IL17B: variants seen among roughly 807,000 people sequenced by gnomAD.
IL17B encodes interleukin 17B.
IL17B carries 14 observed loss-of-function variants against 14.7 expected under a neutral mutation model. That is an observed-to-expected ratio of 0.95 (90% CI 0.63 to 1.49). The LOEUF (loss-of-function observed/expected upper bound fraction) is 1.49, where lower values mean the gene tolerates loss of function less well. Among genes scored for constraint, IL17B ranks in the 40% most tolerant of loss-of-function variants. IL17B has a pLI of 0.00. For synonymous variants in IL17B, 105 were observed against 94.8 expected, an observed-to-expected ratio of 1.11 and a Z score of -0.62; for missense variants, 233 against 252.8, an observed-to-expected ratio of 0.92 and a Z score of 0.53.
chr5:149,400,282 T>C lies in IL17B; in HGVS notation n.95+3826A>G, dbSNP rs550145183. 5.3e-5 allele frequency among the ~76,000 whole-genome samples: 8 copies of C among 151,702 alleles called. No individual in the cohort carries two copies. In the South Asian group the frequency reaches 1.5e-3, roughly 28 times the overall value. ...AAGATGAAAGCAGATATCAGGGCGATACATCTACAAGCCAAGAAAGGCCAA... is the reference window on the plus strand; with the variant it reads ...AAGATGAAAGCAGATATCAGGGCGACACATCTACAAGCCAAGAAAGGCCAA... On this transcript the variant is annotated intron_variant and non_coding_transcript_variant, in intron 1 of 2. Transcript: ENST00000505432.
intron 1 of IL17B, among the ~76,000 whole-genome samples, chr5:149,397,301 C>T (rs1759111891): frequency 6.6e-6 from 1 of 152,116 alleles, no homozygotes; most frequent in South Asian, 2.1e-4. Context: ...TCCCGAGTAG[C>T]AGGATTATAG....
At chr5:149,394,665 A>G (rs986674096) in intron 1 of IL17B, among the ~76,000 whole-genome samples, 1 of 152,232 alleles carries the variant, frequency 6.6e-6, no homozygotes, top group Non-Finnish European at 1.5e-5. Flanking sequence ...GAGGTAGTCC[A>G]TAAGAGCTGG....
intron 1 of IL17B, among the ~76,000 whole-genome samples, chr5:149,392,956 G>GTGCA (rs1759008899): frequency 2.7e-5 from 4 of 150,316 alleles, no homozygotes; most frequent in African/African-American, 7.4e-5. Flanking sequence ...GCGTGCGTGT[G>GTGCA]TGCGTGTGTG....
chr5:149,386,087 A>G (rs1036902183), intron 1 of IL17B, among the ~76,000 whole-genome samples: 8 of 152,210 alleles, frequency 5.3e-5, no homozygotes, highest in African/African-American at 1.9e-4. Context: ...TCTGCCTTGC[A>G]TATTGGCCTC....
intron 1 of IL17B, among the ~76,000 whole-genome samples, chr5:149,393,089 C>T (rs1480425734): frequency 6.6e-6 from 1 of 152,036 alleles, no homozygotes; most frequent in African/African-American, 2.4e-5. Flanking sequence ...TTTCCCCTTT[C>T]CTTCCTCAGC....
intron 1 of IL17B, among the ~76,000 whole-genome samples, chr5:149,399,273 G>T (rs539994522): frequency 6.6e-6 from 1 of 152,288 alleles, no homozygotes; most frequent in East Asian, 1.9e-4. Flanking sequence ...CACAGCTGGG[G>T]CATCAGGGAT....
chr5:149,398,169 AT>A (rs1215527999), intron 1 of IL17B, among the ~76,000 whole-genome samples: 2 of 152,202 alleles, frequency 1.3e-5, no homozygotes, highest in African/African-American at 4.8e-5. Flanking sequence ...ACCATATCTA[AT>A]TTCCAAATAA....
At chr5:149,400,311 T>C (rs887124171) in intron 1 of IL17B, among the ~76,000 whole-genome samples, 3 of 151,972 alleles carry the variant, frequency 2.0e-5, no homozygotes, top group African/African-American at 7.2e-5. Flanking sequence ...AGGCCAAAGA[T>C]TGCCAGCAAG....
intron 1 of IL17B, among the ~76,000 whole-genome samples, chr5:149,392,231 G>C (rs1758983698): frequency 6.6e-6 from 1 of 152,248 alleles, no homozygotes. Flanking sequence ...TTGCAGCATT[G>C]TTTGTAATCA....
At chr5:149,402,609 C>T (rs573360423) in intron 1 of IL17B, among the ~76,000 whole-genome samples, 1 of 151,742 alleles carries the variant, frequency 6.6e-6, no homozygotes, top group African/African-American at 2.4e-5. Context: ...TCACACTTAC[C>T]CTCTCCTGAC....
intron 1 of IL17B, among the ~76,000 whole-genome samples, chr5:149,402,819 C>T (rs1013048276): frequency 1.3e-5 from 2 of 151,270 alleles, no homozygotes; most frequent in Non-Finnish European, 3.0e-5. Flanking sequence ...CTGGCTAACA[C>T]GGTGAAACCC....
At chr5:149,400,136 G>T (rs965061682) in intron 1 of IL17B, among the ~76,000 whole-genome samples, 1 of 152,070 alleles carries the variant, frequency 6.6e-6, no homozygotes, top group African/African-American at 2.4e-5. Flanking sequence ...TTGGAAACAG[G>T]GTTGCCACAG....
intron 1 of IL17B, among the ~76,000 whole-genome samples, chr5:149,387,066 C>T (rs1561714879): frequency 6.6e-6 from 1 of 152,188 alleles, no homozygotes; most frequent in Non-Finnish European, 1.5e-5. Context: ...TATTTTAGGA[C>T]CAGCCCACAG....
intron 1 of IL17B, among the ~76,000 whole-genome samples, chr5:149,391,785 GTGAC>G (rs1758973833): frequency 2.6e-5 from 4 of 152,210 alleles, no homozygotes; most frequent in South Asian, 4.1e-4. Context: ...ATAGAGGAGG[GTGAC>G]TGACTGGTGT....
chr5:149,388,423 G>C (rs1758869700), intron 1 of IL17B, among the ~76,000 whole-genome samples: 1 of 152,136 alleles, frequency 6.6e-6, no homozygotes, highest in South Asian at 2.1e-4. Flanking sequence ...CAATTTCTTA[G>C]ACTCAAGCTC....
chr5:149,395,437 A>G lies in IL17B; in HGVS notation n.95+8671T>C, dbSNP rs77106442. Among the ~76,000 whole-genome samples, 1,204 of 152,234 alleles carry G rather than the reference A, an allele frequency of 7.9e-3. 34 individuals are homozygous for G. The East Asian group carries it at 0.094, about 12-fold the overall frequency. On this transcript the variant is annotated intron_variant and non_coding_transcript_variant, in intron 1 of 2. Transcript: ENST00000505432. Reference sequence around the variant, plus strand: ...TTGGGCTCACGGAAATTCATTCCACACCCACTCATATACAGACCACAGATT... The same window carrying G: ...TTGGGCTCACGGAAATTCATTCCACGCCCACTCATATACAGACCACAGATT...
At position 149,376,903 on chromosome 5, in the gene IL17B, G is replaced by A; in HGVS notation, c.144C>T (p.Asp48=). The change falls in exon 2 of 3, where the codon GAC becomes GAT. Residue 48 remains aspartate, a synonymous_variant. Coordinates refer to ENST00000261796, the MANE Select transcript of IL17B (RefSeq NM_014443.3). ...LAPGPHQVPL[D]LVSRMKPYAR... ...CATACGGTTTCATCCGTGACACCAG[G>A]TCCAGTGGCACCTGGTGAGGGCCAG... 5 of 1,614,136 alleles carry A rather than the reference G, an allele frequency of 3.1e-6. No individual in the cohort carries two copies. In the South Asian group the frequency reaches 5.5e-5, roughly 18 times the overall value.
In IL17B at chr5:149,374,486, C is replaced by T. The variant is rs41291955; in HGVS notation, c.426G>A (p.Pro142=). The change falls in exon 3 of 3, where the codon CCG becomes CCA. Residue 142 remains proline, a synonymous_variant. Transcript: ENST00000261796. The surrounding 1 kb of genome is among the most constrained non-coding windows in gnomAD (Gnocchi z 5.0). The part of the protein sequence containing the change: ...MQEDRSMVSV[P]VFSQVPVRRR... ...GGCGCACAGGAACCTGGCTGAACAC[C>T]GGCACGCTCACCATGCTGCGGTCCT... The T allele has an allele frequency of 0.011, 17,790 of 1,612,946 alleles. 134 individuals are homozygous for T. The highest frequency in any genetic ancestry group is 0.018 in the Middle Eastern group (110 of 6,060).
chr5:149,402,917 C>T (rs1189865358), intron 1 of IL17B, among the ~76,000 whole-genome samples: 10 of 144,114 alleles, frequency 6.9e-5, no homozygotes, highest in African/African-American at 2.1e-4. Context: ...GTGGGAGAAT[C>T]GCTTGAACCC....
Sources: allele counts gnomAD v4.1 joint callset (sites outside exome capture counted in the v4.1 genomes callset), GRCh38; gene constraint gnomAD v4.1.1; non-coding constraint Gnocchi (gnomAD v3.1); transcripts MANE v1.5; gene names NCBI Gene and HGNC (gene_info 2026-07-23, HGNC 2026-07-21).